The following PEDS1 variants were observed in gnomAD, a reference collection of about 807,000 sequenced individuals.
PEDS1 encodes CarF homolog.
PEDS1 carries 14 observed loss-of-function variants against 35.2 expected under a neutral mutation model. The observed-to-expected ratio is 0.40, with a 90% CI of 0.26 to 0.62. The LOEUF is 0.62. Among genes scored for constraint, PEDS1 ranks in the 20% least tolerant of loss-of-function variants. PEDS1 has a pLI of 0.44. For synonymous variants in PEDS1, 152 were observed against 152.0 expected (o/e 1.00, Z 0.00); for missense variants, 260 against 367.8 (o/e 0.71, Z 2.40).
intron 3 of PEDS1, among the ~76,000 whole-genome samples, chr20:50,130,232 G>A (rs538686095): frequency 1.4e-4 from 22 of 152,346 alleles, no homozygotes; most frequent in Admixed American, 1.3e-3. Flanking sequence ...TGAGCCGTGG[G>A]ACTTCAGTTG....
At position 50,125,057 on chromosome 20, in the gene PEDS1, G is replaced by A. The variant is rs147320578; in HGVS notation, c.*1C>T. 1.2e-6 allele frequency: 2 copies of A among 1,613,636 alleles called. No individual in the cohort carries two copies. Among genetic ancestry groups the A allele is most frequent in the African/African-American group, 2.7e-5 (2 of 74,928 alleles). ...GCAACCAGGTAGCAGGCTCGGAGAA[G>A]TTATTTGATCTTCTGGGCCCATTTC... On this transcript the variant is annotated 3_prime_UTR_variant, in exon 6 of 6. Transcript: ENST00000371652.
chr20:50,143,670 CAG>C, intron 1 of PEDS1, 49 bp from the exon 2 acceptor site: 1 of 1,604,820 alleles, frequency 6.2e-7, no homozygotes, highest in Non-Finnish European at 8.5e-7. Context: ...CAAGGCCAGG[CAG>C]AGTGTGGCCC....
chr20:50,147,953 G>A (rs912755136), intron 1 of PEDS1, among the ~76,000 whole-genome samples: 2 of 152,042 alleles, frequency 1.3e-5, no homozygotes, highest in Non-Finnish European at 2.9e-5. Flanking sequence ...AGCTACTCGG[G>A]AGGGTGCACC....
intron 5 of PEDS1, among the ~76,000 whole-genome samples, chr20:50,127,340 G>GTTTTTTT (rs11471254): frequency 4.6e-5 from 4 of 87,182 alleles, no homozygotes; most frequent in Non-Finnish European, 6.2e-5. Flanking sequence ...GTGTTTTCTG[G>GTTTTTTT]TTTTTTTTTT....
chr20:50,149,562 T>C (rs2081380912), intron 1 of PEDS1, among the ~76,000 whole-genome samples: 1 of 152,134 alleles, frequency 6.6e-6, no homozygotes, highest in Non-Finnish European at 1.5e-5. Flanking sequence ...GAACGGCTCC[T>C]GGGTCCTGCA....
At position 50,143,625 on chromosome 20, in the gene PEDS1, C is replaced by G. The variant is rs769941009; in HGVS notation, c.122-4G>C. 1.2e-6 allele frequency: 2 copies of G among 1,613,938 alleles called. No homozygotes were observed. On this transcript the variant is annotated splice_region_variant and splice_polypyrimidine_tract_variant and intron_variant, in intron 1 of 5. Coordinates refer to ENST00000371652, the MANE Select transcript of PEDS1 (RefSeq NM_199129.4). ...CACCACTCCTGGAGGCGCTTGCCTGCAGGGAGCAGAGGCGAGAGGTAAAGG... is the reference window on the plus strand; with the variant it reads ...CACCACTCCTGGAGGCGCTTGCCTGGAGGGAGCAGAGGCGAGAGGTAAAGG...
In PEDS1 at chr20:50,153,583, C is replaced by A; in HGVS notation, c.55G>T (p.Ala19Ser). Residue 19 changes from alanine (A) to serine (S), a missense_variant, in exon 1 of 6, where the codon GCG (alanine) becomes TCG (serine). Physicochemically the swap from Ala to Ser is moderately conservative, Grantham distance 99. Around this residue, in one of 4 missense-constraint regions of PEDS1, gnomAD observed 114 missense variants for 121.6 expected, o/e 0.94. Transcript: ENST00000371652. Reference sequence around the variant, plus strand: ...TGCGCGCCCCAGCGGCAACAAGACGCCTCGTCCTCGTCCAGCTCCAGCTGC... The same window carrying A: ...TGCGCGCCCCAGCGGCAACAAGACGACTCGTCCTCGTCCAGCTCCAGCTGC... Reference protein sequence around the residue: ...GQQLELDEDEASCCRWGAQHA... With the variant: ...GQQLELDEDESSCCRWGAQHA... 1 of 1,428,778 alleles carries A rather than the reference C, an allele frequency of 7.0e-7. No homozygotes were observed. Among genetic ancestry groups the A allele is most frequent in the Non-Finnish European group, 9.2e-7 (1 of 1,084,930 alleles). The allele number at this position is 1,428,778 out of a possible 1,614,324, so 88.5% of individuals were successfully genotyped here. A position where few individuals can be genotyped will look rare whatever the true frequency, so the allele number is the denominator to read the frequency against.
chr20:50,140,689 T>G (rs894907570), intron 2 of PEDS1, among the ~76,000 whole-genome samples: 1 of 152,198 alleles, frequency 6.6e-6, no homozygotes. Context: ...TGCTTCCCAA[T>G]GCTGCATCAC....
chr20:50,132,141 T>C (rs1403049041), intron 2 of PEDS1, among the ~76,000 whole-genome samples: 1 of 152,136 alleles, frequency 6.6e-6, no homozygotes, highest in Non-Finnish European at 1.5e-5. Context: ...GAGATGGTGG[T>C]TGCAGTGAGT....
At chr20:50,131,617 G>T (rs1242192189) in intron 2 of PEDS1, among the ~76,000 whole-genome samples, 1 of 150,274 alleles carries the variant, frequency 6.7e-6, no homozygotes, top group African/African-American at 2.5e-5. Context: ...GTGAGACTCC[G>T]TCTCAAAAAA....
chr20:50,136,535 C>T (rs1233124732), intron 2 of PEDS1, among the ~76,000 whole-genome samples: 2 of 151,848 alleles, frequency 1.3e-5, no homozygotes. Flanking sequence ...CCAGCATGGC[C>T]AACATGGTGA....
At chr20:50,131,139 T>A in intron 2 of PEDS1, 192 bp from the exon 3 acceptor site, 1 of 1,410,868 alleles carries the variant, frequency 7.1e-7, no homozygotes, top group Non-Finnish European at 9.8e-7. Context: ...CTTGCTGTGC[T>A]CGGGGAGATG....
At position 50,129,631 on chromosome 20, in the gene PEDS1, G is replaced by A. The variant is rs758893433; in HGVS notation, c.393C>T (p.Asp131=). Residue 131 remains aspartate, a synonymous_variant, in exon 4 of 6, where the codon GAC becomes GAT. Coordinates refer to ENST00000371652, the MANE Select transcript of PEDS1 (RefSeq NM_199129.4). The surrounding 1 kb of genome is among the most constrained non-coding windows in gnomAD (Gnocchi z 4.2). The part of the protein sequence containing the change: ...HIDPTAITRH[D]FIETNGDNCL... ...AGTTGTCCCCGTTGGTCTCGATGAAGTCGTGCCGTGTGATAGCTGTCGGGT... is the reference window on the plus strand; with the variant it reads ...AGTTGTCCCCGTTGGTCTCGATGAAATCGTGCCGTGTGATAGCTGTCGGGT... 1.1e-5 allele frequency: 17 copies of A among 1,614,132 alleles called. No homozygotes were observed. The highest frequency in any genetic ancestry group is 1.3e-5 in the Non-Finnish European group (15 of 1,180,024).
chr20:50,129,811 C>A lies in PEDS1; in HGVS notation c.334-121G>T. The A allele has an allele frequency of 6.8e-7, 1 of 1,466,452 alleles. No individual in the cohort carries two copies. Among genetic ancestry groups the A allele is most frequent in the East Asian group, 2.4e-5 (1 of 41,594 alleles). 90.8% of individuals were successfully genotyped at this position (1,466,452 alleles called of 1,614,324 possible). The stretch of plus-strand genomic sequence containing the variant: ...GCCTTTGATCCTAAGTTTCCTCCAC[C>A]CGGGATGCTTGAACATTCCCACCTG... On this transcript the variant is annotated intron_variant, in intron 3 of 5. Transcript: ENST00000371652. The surrounding 1 kb of genome is among the most constrained non-coding windows in gnomAD (Gnocchi z 4.2).
intron 1 of PEDS1, among the ~76,000 whole-genome samples, chr20:50,146,549 T>C (rs1403219186): frequency 6.6e-6 from 1 of 152,118 alleles, no homozygotes; most frequent in Non-Finnish European, 1.5e-5. Flanking sequence ...TCCCCATTTG[T>C]CATGATAGGG....
intron 2 of PEDS1, among the ~76,000 whole-genome samples, chr20:50,142,691 C>CCA (rs1555884391): frequency 2.0e-5 from 2 of 100,620 alleles, no homozygotes; most frequent in Non-Finnish European, 2.3e-5. Context: ...CGCCCCCCCC[C>CCA]CCCCGCCCCA....
intron 1 of PEDS1, among the ~76,000 whole-genome samples, chr20:50,146,262 C>A (rs576886438): frequency 6.5e-4 from 99 of 152,282 alleles, no homozygotes; most frequent in Middle Eastern, 3.4e-3. Flanking sequence ...TGGAAACCTC[C>A]ATCTCCAGGA....
chr20:50,127,698 T>C (rs2081124079), intron 5 of PEDS1, among the ~76,000 whole-genome samples: 1 of 152,108 alleles, frequency 6.6e-6, no homozygotes, highest in Non-Finnish European at 1.5e-5. Context: ...CACCATGGCA[T>C]GTGGTAGGTG....
At chr20:50,133,423 G>A (rs2081199981) in intron 2 of PEDS1, among the ~76,000 whole-genome samples, 1 of 152,200 alleles carries the variant, frequency 6.6e-6, no homozygotes. Flanking sequence ...ACAGGCTGAA[G>A]GGTGTCACTG....
Sources: gnomAD v4.1 joint callset for allele counts (sites outside exome capture counted in the v4.1 genomes callset) on GRCh38, gnomAD v4.1.1 for gene constraint, gnomAD v4.1.1 regional missense constraint, Gnocchi (gnomAD v3.1) non-coding constraint, MANE v1.5 for transcripts, NCBI Gene and HGNC (gene_info 2026-07-23, HGNC 2026-07-21) for gene names.